Variants in DNER observed in about 807,000 individuals in gnomAD.
DNER encodes the protein delta/notch like EGF repeat containing.
A neutral mutation model predicts 78.2 loss-of-function variants in DNER; 33 were observed. The ratio of observed to expected loss-of-function variants is 0.42; its 90% CI spans 0.32 to 0.56. The LOEUF (loss-of-function observed/expected upper bound fraction) is 0.56, where lower values mean the gene tolerates loss of function less well. Among genes scored for constraint, DNER ranks in the 20% least tolerant of loss-of-function variants. The pLI, the probability that DNER is intolerant of heterozygous loss-of-function variation, is 0.11. For synonymous variants in DNER, 417 were observed against 384.8 expected (o/e 1.08, Z -0.98); for missense variants, 918 against 975.3 (o/e 0.94, Z 0.78).
At position 229,368,955 on chromosome 2, in the gene DNER, G is replaced by A. The variant is rs184632335; in HGVS notation, c.1856-1836C>T. 2.6e-5 allele frequency among the ~76,000 whole-genome samples: 4 copies of A among 152,228 alleles called. No homozygotes were observed. The East Asian group carries it at 7.7e-4, about 29-fold the overall frequency. On this transcript the variant is annotated intron_variant, in intron 11 of 12. Coordinates refer to ENST00000341772, the MANE Select transcript of DNER (RefSeq NM_139072.4). Reference sequence around the variant, plus strand: ...TATTCCTTTTCCAATAAAGAAATATGCAATACATTATTTAAAGAAGACATT... The same window carrying A: ...TATTCCTTTTCCAATAAAGAAATATACAATACATTATTTAAAGAAGACATT...
chr2:229,588,792 T>C (rs1354614829), intron 2 of DNER, among the ~76,000 whole-genome samples: 1 of 152,230 alleles, frequency 6.6e-6, no homozygotes, highest in African/African-American at 2.4e-5. Context: ...TTTCCATTCA[T>C]TTAACAAGCA....
At chr2:229,534,216 T>C (rs535893093) in intron 5 of DNER, among the ~76,000 whole-genome samples, 1 of 150,648 alleles carries the variant, frequency 6.6e-6, no homozygotes, top group Non-Finnish European at 1.5e-5. Context: ...TAGATTGTAA[T>C]GTAACAGACC....
intron 7 of DNER, among the ~76,000 whole-genome samples, chr2:229,463,522 C>A (rs544562690): frequency 1.3e-5 from 2 of 152,120 alleles, no homozygotes; most frequent in Non-Finnish European, 1.5e-5. Context: ...CTCTCAGCAG[C>A]CTTGAACTCC....
At chr2:229,689,099 AC>A (rs892052024) in intron 1 of DNER, among the ~76,000 whole-genome samples, 71 of 152,314 alleles carry the variant, frequency 4.7e-4, no homozygotes, top group African/African-American at 1.5e-3. Flanking sequence ...GCACATGTTT[AC>A]CTATGTAACA....
intron 8 of DNER, among the ~76,000 whole-genome samples, chr2:229,430,188 T>C (rs1693974297): frequency 6.6e-6 from 1 of 152,218 alleles, no homozygotes; most frequent in Non-Finnish European, 1.5e-5. Context: ...TGTTAAGGGA[T>C]TCTTTTATTA....
chr2:229,662,028 G>T (rs1348837265), intron 1 of DNER, among the ~76,000 whole-genome samples: 1 of 152,118 alleles, frequency 6.6e-6, no homozygotes, highest in Non-Finnish European at 1.5e-5. Context: ...ATTAATATTT[G>T]GTTGAGCATC....
At chr2:229,529,294 G>A (rs1370497597) in intron 5 of DNER, among the ~76,000 whole-genome samples, 1 of 152,062 alleles carries the variant, frequency 6.6e-6, no homozygotes, top group Non-Finnish European at 1.5e-5. Context: ...ATTCAAGCTT[G>A]ATGATAAGTG....
chr2:229,379,181 C>G (rs1183927645), intron 11 of DNER, among the ~76,000 whole-genome samples: 3 of 152,142 alleles, frequency 2.0e-5, no homozygotes, highest in Non-Finnish European at 4.4e-5. Context: ...TCTAAAAAGA[C>G]AATTGCTGAA....
chr2:229,587,750 A>G (rs755200077), intron 3 of DNER, among the ~76,000 whole-genome samples: 5 of 152,044 alleles, frequency 3.3e-5, no homozygotes, highest in Non-Finnish European at 7.4e-5. Context: ...ACTGGCCCAT[A>G]CCCCACCCCC....
intron 7 of DNER, among the ~76,000 whole-genome samples, chr2:229,453,466 G>A (rs1694502573): frequency 6.6e-6 from 1 of 152,186 alleles, no homozygotes; most frequent in South Asian, 2.1e-4. Context: ...ACTGTTGACT[G>A]GGAGCCATAT....
intron 6 of DNER, among the ~76,000 whole-genome samples, chr2:229,509,474 A>C (rs1238150565): frequency 6.6e-6 from 1 of 152,248 alleles, no homozygotes; most frequent in African/African-American, 2.4e-5. Flanking sequence ...ATCATGAACA[A>C]AACTGATCCA....
intron 4 of DNER, among the ~76,000 whole-genome samples, chr2:229,563,837 C>T (rs1318519937): frequency 1.5e-4 from 22 of 148,770 alleles, no homozygotes; most frequent in African/African-American, 5.2e-4. Context: ...TCATCATCAT[C>T]ACCCCACCAC....
At chr2:229,676,483 T>G (rs1384737068) in intron 1 of DNER, among the ~76,000 whole-genome samples, 1 of 152,230 alleles carries the variant, frequency 6.6e-6, no homozygotes, top group East Asian at 1.9e-4. Context: ...TGGTTATAGA[T>G]GCTGAATGGC....
chr2:229,382,019 C>A (rs189629609), intron 11 of DNER, among the ~76,000 whole-genome samples: 7 of 152,268 alleles, frequency 4.6e-5, no homozygotes, highest in African/African-American at 1.7e-4. Context: ...AGGAGAACTC[C>A]GGCTGGCATC....
chr2:229,647,516 T>C (rs1408495550), intron 1 of DNER, among the ~76,000 whole-genome samples: 1 of 152,226 alleles, frequency 6.6e-6, no homozygotes, highest in Non-Finnish European at 1.5e-5. Flanking sequence ...ATTACAAATA[T>C]CATAATTGTT....
intron 1 of DNER, among the ~76,000 whole-genome samples, chr2:229,700,146 C>T (rs1360646224): frequency 1.3e-5 from 2 of 151,922 alleles, no homozygotes; most frequent in African/African-American, 4.8e-5. Flanking sequence ...TTTTACCTAT[C>T]AGTTAACACA....
At position 229,618,212 on chromosome 2, in the gene DNER, C is replaced by T. The variant is rs528363051; in HGVS notation, c.277-26324G>A. Among the ~76,000 whole-genome samples, 84 of 152,128 alleles carry T rather than the reference C, an allele frequency of 5.5e-4. 1 individual carries two copies. The highest frequency in any genetic ancestry group is 1.2e-4 in the Non-Finnish European group (8 of 68,008). ...GCCAGGAAATAGTGAATCCAAAATT[C>T]CCGTAAGAGTCTGGAGGTAGGTGGA... On this transcript the variant is annotated intron_variant, in intron 1 of 12. Transcript: ENST00000341772.
At chr2:229,445,518 T>C (rs1694322282) in intron 8 of DNER, among the ~76,000 whole-genome samples, 1 of 152,218 alleles carries the variant, frequency 6.6e-6, no homozygotes, top group Non-Finnish European at 1.5e-5. Flanking sequence ...TATGAAGGTG[T>C]GTTTTAGATG....
intron 9 of DNER, among the ~76,000 whole-genome samples, chr2:229,410,007 G>A (rs1370729249): frequency 6.6e-6 from 1 of 152,004 alleles, no homozygotes; most frequent in Non-Finnish European, 1.5e-5. Context: ...CTCCTCTGGA[G>A]GTCCCTAGGC....
Sources: allele counts gnomAD v4.1 joint callset (sites outside exome capture counted in the v4.1 genomes callset), GRCh38; gene constraint gnomAD v4.1.1; transcripts MANE v1.5; gene names NCBI Gene and HGNC (gene_info 2026-07-23, HGNC 2026-07-21).